Variants in ZNF117 observed in about 807,000 individuals in gnomAD.
ZNF117 encodes the protein Krueppel-related zinc finger protein.
Under a neutral mutation model 41.2 loss-of-function variants are expected in ZNF117, and 37 were observed. The ratio of observed to expected loss-of-function variants is 0.90; its 90% CI spans 0.69 to 1.18. The LOEUF (loss-of-function observed/expected upper bound fraction) is 1.18, where lower values mean the gene tolerates loss of function less well. Ranked by LOEUF, ZNF117 falls within the 50% of genes most tolerant of loss-of-function variation. ZNF117 has a pLI of 0.00. For synonymous variants in ZNF117, 186 were observed against 186.6 expected (o/e 1.00, Z 0.02); for missense variants, 546 against 557.5 (o/e 0.98, Z 0.21).
exon 3 of ZNF117, chr7:64,974,640 T>C (rs544151711): frequency 4.6e-5 from 7 of 152,028 alleles, no homozygotes; most frequent in African/African-American, 1.7e-4. Context: ...ATACTAAAAT[T>C]CTGTTATGTT....
exon 3 of ZNF117, chr7:64,974,542 C>A (rs1785838556): frequency 6.6e-6 from 1 of 151,872 alleles, no homozygotes; most frequent in African/African-American, 2.4e-5. Flanking sequence ...TACAAACTCA[C>A]ACTCACACAA....
upstream of ZNF117, chr7:64,982,139 CAT>C: frequency 1.2e-6 from 1 of 801,856 alleles, no homozygotes; most frequent in Non-Finnish European, 2.0e-6. Flanking sequence ...AAAACACACA[CAT>C]ACACAAAATC....
exon 3 of ZNF117, chr7:64,979,312 C>T (rs370088700): frequency 1.9e-6 from 3 of 1,590,554 alleles, no homozygotes; most frequent in African/African-American, 2.7e-5. Context: ...AAAACTTCTA[C>T]ATATTTATTA....
intron 1 of ZNF117, among the ~76,000 whole-genome samples, chr7:64,989,443 T>TTATTTA (rs1786205024): frequency 2.0e-5 from 1 of 49,460 alleles, no homozygotes; most frequent in Non-Finnish European, 3.7e-5. Flanking sequence ...GAACTTAAAA[T>TTATTTA]TATATATATA....
upstream of ZNF117, among the ~76,000 whole-genome samples, chr7:64,984,706 T>A (rs897225080): frequency 2.0e-5 from 3 of 152,236 alleles, no homozygotes; most frequent in African/African-American, 7.2e-5. Context: ...CTAGTCATAA[T>A]GTACATAGGA....
chr7:64,973,216 A>G (rs1785809640), downstream of ZNF117: 1 of 152,048 alleles, frequency 6.6e-6, no homozygotes, highest in South Asian at 2.1e-4. Context: ...TCAAATCCAC[A>G]GAAGTCATTT....
upstream of ZNF117, among the ~76,000 whole-genome samples, chr7:64,983,009 A>G (rs947619662): frequency 1.3e-5 from 2 of 152,232 alleles, no homozygotes; most frequent in Non-Finnish European, 2.9e-5. Flanking sequence ...TTTTATGGAA[A>G]CTTCAAGATA....
At chr7:64,980,974 C>CAA (rs112638395) in intron 2 of ZNF117, 10 of 146,854 alleles carry the variant, frequency 6.8e-5, no homozygotes, top group East Asian at 4.4e-4. Flanking sequence ...TAAACAACAA[C>CAA]AAAAAAACCA....
exon 1 of ZNF117, chr7:64,991,015 T>C (rs552655508): frequency 2.1e-4 from 97 of 469,152 alleles, no homozygotes; most frequent in African/African-American, 1.7e-3. Flanking sequence ...CAGGGGTTAA[T>C]ACTTAGTTAG....
chr7:64,986,281 A>G (rs759755887), upstream of ZNF117, among the ~76,000 whole-genome samples: 3 of 152,198 alleles, frequency 2.0e-5, no homozygotes, highest in African/African-American at 7.2e-5. Context: ...CTTTCTCCCA[A>G]GAAAATTTTG....
intron 2 of ZNF117, chr7:64,980,055 G>C (rs1180211660): frequency 6.5e-6 from 1 of 153,484 alleles, no homozygotes; most frequent in East Asian, 1.9e-4. Flanking sequence ...TGTTACAGCA[G>C]GAAAGAGACT....
chr7:64,979,225 T>G, exon 3 of ZNF117: 1 of 1,609,560 alleles, frequency 6.2e-7, no homozygotes, highest in Non-Finnish European at 8.5e-7. Context: ...CAAAATGTTT[T>G]GCGACATTCT....
chr7:64,981,232 A>G, intron 2 of ZNF117, 155 bp downstream of exon 3: 1 of 904,688 alleles, frequency 1.1e-6, no homozygotes, highest in Non-Finnish European at 1.7e-6. Flanking sequence ...ACAATACAAA[A>G]TATGTTCTAT....
chr7:64,989,254 CCA>C (rs1382380481), intron 1 of ZNF117, among the ~76,000 whole-genome samples: 10 of 150,242 alleles, frequency 6.7e-5, no homozygotes, highest in Non-Finnish European at 1.5e-4. Context: ...TGCCACAATG[CCA>C]CACACCTGCA....
chr7:64,984,511 CT>C (rs369598318), upstream of ZNF117, among the ~76,000 whole-genome samples: 16 of 152,252 alleles, frequency 1.1e-4, no homozygotes, highest in Non-Finnish European at 1.3e-4. Context: ...CCAAATCATT[CT>C]TGTTTACTTT....
At chr7:64,975,183 T>G (rs1226219457) in exon 3 of ZNF117, 1 of 151,954 alleles carries the variant, frequency 6.6e-6, no homozygotes, top group African/African-American at 2.4e-5. Flanking sequence ...AGTGGCATGA[T>G]AATACTTCAC....
chr7:64,973,326 C>T (rs550287064), downstream of ZNF117: 5 of 152,038 alleles, frequency 3.3e-5, no homozygotes, highest in South Asian at 1.0e-3. Flanking sequence ...TAAAATTCTT[C>T]ACTTACCATT....
chr7:64,973,908 G>T (rs929936614), downstream of ZNF117: 12 of 151,858 alleles, frequency 7.9e-5, no homozygotes, highest in Non-Finnish European at 1.3e-4. Context: ...TCTCTGACTT[G>T]AAGTTACAAA....
At chr7:64,988,718 G>C (rs920174511) in intron 1 of ZNF117, among the ~76,000 whole-genome samples, 1 of 152,060 alleles carries the variant, frequency 6.6e-6, no homozygotes, top group Admixed American at 6.6e-5. Context: ...CCACAGAAAA[G>C]CTCCTTAAAC....
Sources: allele counts gnomAD v4.1 joint callset (sites outside exome capture counted in the v4.1 genomes callset), GRCh38; gene constraint gnomAD v4.1.1; transcripts MANE v1.5; gene names NCBI Gene and HGNC (gene_info 2026-07-23, HGNC 2026-07-21).